ACTR6: variants seen among roughly 807,000 people sequenced by gnomAD.
The protein encoded by ACTR6 is actin related protein 6, also known as actin-related protein 6.
In ACTR6, 50 loss-of-function variants were observed where a neutral mutation model predicts 52.5. That is an observed-to-expected ratio of 0.95 (90% CI 0.76 to 1.20). The LOEUF is 1.20. Among genes scored for constraint, ACTR6 ranks in the 50% most tolerant of loss-of-function variants. ACTR6 has a pLI of 0.00. For missense variants in ACTR6, 344 were observed against 472.4 expected (o/e 0.73, Z 2.52); for synonymous variants, 135 against 147.2 (o/e 0.92, Z 0.60).
chr12:100,223,940 GA>G lies in ACTR6; in HGVS notation c.*26del. On this transcript the variant is annotated 3_prime_UTR_variant, in exon 11 of 11. Transcript: ENST00000188312. Reference sequence around the variant, plus strand: ...AGCAACATTTTTGAATGAAAGTTGTGACCATAAGGTTTAATTTCAAAGTTCC... The same window carrying G: ...AGCAACATTTTTGAATGAAAGTTGTGCCATAAGGTTTAATTTCAAAGTTCC... The G allele has an allele frequency of 6.3e-7, 1 of 1,593,486 alleles. No homozygotes were observed. The highest frequency in any genetic ancestry group is 8.5e-7 in the Non-Finnish European group (1 of 1,174,660).
At position 100,218,525 on chromosome 12, in the gene ACTR6, A is replaced by G; in HGVS notation, c.861A>G (p.Ile287Met). 6.3e-7 allele frequency: 1 copy of G among 1,586,252 alleles called. No homozygotes were observed. Reference sequence around the variant, plus strand: ...AAATACTCTTTAATCCTTCTGATATAGGCATTCAAGAAATGGGAATTCCAG... The same window carrying G: ...AAATACTCTTTAATCCTTCTGATATGGGCATTCAAGAAATGGGAATTCCAG... ...VPEILFNPSD[I>M]GIQEMGIPEA... Residue 287 changes from isoleucine to methionine, a missense_variant, in exon 9 of 11, where the codon ATA (isoleucine) becomes ATG (methionine). By Grantham distance (10) the Ile-to-Met change is conservative. Coordinates refer to ENST00000188312, the MANE Select transcript of ACTR6 (RefSeq NM_022496.5). This position sits in a 1 kb window ranked among gnomAD's most constrained non-coding sequence, Gnocchi z 4.2.
intron 6 of ACTR6, among the ~76,000 whole-genome samples, chr12:100,210,553 T>C (rs1034530227): frequency 1.4e-4 from 21 of 152,002 alleles, no homozygotes; most frequent in African/African-American, 5.1e-4. Context: ...ACCCCACTTC[T>C]ACTAAAAATA....
intron 10 of ACTR6, among the ~76,000 whole-genome samples, chr12:100,222,257 G>GT (rs35143045): frequency 0.32 from 39,505 of 123,438 alleles, 7,442 homozygotes; most frequent in African/African-American, 0.44. Context: ...CTGGCTTTGG[G>GT]TTTTTTTTTT....
intron 4 of ACTR6, among the ~76,000 whole-genome samples, chr12:100,209,134 A>G (rs11110294): frequency 0.093 from 14,110 of 152,300 alleles, 785 homozygotes; most frequent in African/African-American, 0.13. Flanking sequence ...AAGCAAGTGT[A>G]TTACAGGCTT....
chr12:100,219,160 TAA>T (rs563553340), intron 9 of ACTR6, among the ~76,000 whole-genome samples: 42 of 117,844 alleles, frequency 3.6e-4, no homozygotes, highest in Admixed American at 6.2e-4. Flanking sequence ...TTCCTCTCAT[TAA>T]AAAAAAAAAA....
At chr12:100,220,416 C>T (rs1197838047) in intron 10 of ACTR6, among the ~76,000 whole-genome samples, 1 of 152,108 alleles carries the variant, frequency 6.6e-6, no homozygotes, top group Non-Finnish European at 1.5e-5. Context: ...GTAAATCAGC[C>T]TTGGTCCTAA....
chr12:100,223,667 A>T, intron 10 of ACTR6, 119 bp from the exon 11 acceptor site: 1 of 1,286,290 alleles, frequency 7.8e-7, no homozygotes, highest in Non-Finnish European at 1.1e-6. Context: ...AGAGCTTGCC[A>T]CATTTTAATG....
At position 100,212,189 on chromosome 12, in the gene ACTR6, A is replaced by T. The variant is rs1040546428; in HGVS notation, c.573-67A>T. ...CCTGAAAATTTAATTCCAGAAAAAA[A>T]TTTCAGATAATTATAAATTATGTTT... is the stretch of plus-strand genomic sequence containing the variant. On this transcript the variant is annotated intron_variant, in intron 6 of 10. Transcript: ENST00000188312. 8.5e-6 allele frequency: 10 copies of T among 1,182,530 alleles called. No individual in the cohort carries two copies. The African/African-American group carries it at 1.2e-4, about 15-fold the overall frequency. The allele number at this position is 1,182,530 out of a possible 1,614,324, so 73.3% of individuals were successfully genotyped here.
chr12:100,210,998 T>C (rs1263289887), intron 6 of ACTR6, among the ~76,000 whole-genome samples: 1 of 152,072 alleles, frequency 6.6e-6, no homozygotes, highest in African/African-American at 2.4e-5. Context: ...TTTTTGTTTG[T>C]TTTCTTTTTA....
At chr12:100,213,150 G>C (rs997862049) in intron 8 of ACTR6, among the ~76,000 whole-genome samples, 9 of 151,922 alleles carry the variant, frequency 5.9e-5, no homozygotes, top group Non-Finnish European at 1.0e-4. Flanking sequence ...GAGTGCAATG[G>C]TGCGATCACA....
chr12:100,207,889 A>G, intron 4 of ACTR6, 103 bp downstream of exon 4: 1 of 1,292,342 alleles, frequency 7.7e-7, no homozygotes. Context: ...TGGCTAGCAC[A>G]GTGGCTAACA....
intron 10 of ACTR6, chr12:100,221,576 A>G (rs1400804088): frequency 6.6e-6 from 1 of 152,086 alleles, no homozygotes; most frequent in Non-Finnish European, 1.5e-5. Context: ...GTATAAATAT[A>G]TGTGTATACT....
chr12:100,210,265 G>A (rs531613666), intron 5 of ACTR6, 30 bp from the exon 6 acceptor site: 99 of 1,611,136 alleles, frequency 6.1e-5, no homozygotes, highest in South Asian at 1.9e-4. Context: ...TGATATGTGC[G>A]ATAATTAAAT....
At chr12:100,213,036 A>ACATCCAG (rs2096121186) in intron 8 of ACTR6, among the ~76,000 whole-genome samples, 2 of 148,482 alleles carry the variant, frequency 1.3e-5, no homozygotes, top group Non-Finnish European at 3.0e-5. Flanking sequence ...AAAGAATTTC[A>ACATCCAG]CATCCAGCTG....
intron 8 of ACTR6, among the ~76,000 whole-genome samples, chr12:100,217,980 C>T (rs79869934): frequency 6.6e-6 from 1 of 151,968 alleles, no homozygotes; most frequent in African/African-American, 2.4e-5. Context: ...TCTTGTCTCT[C>T]CTCCTTTTTT....
intron 9 of ACTR6, among the ~76,000 whole-genome samples, chr12:100,219,329 A>G (rs960708884): frequency 6.6e-6 from 1 of 152,102 alleles, no homozygotes; most frequent in African/African-American, 2.4e-5. Context: ...AATATAAGGA[A>G]ACTCTGCCCT....
chr12:100,204,524 CT>C (rs2096112868), intron 1 of ACTR6, among the ~76,000 whole-genome samples: 1 of 152,116 alleles, frequency 6.6e-6, no homozygotes, highest in Admixed American at 6.5e-5. Flanking sequence ...CCATGCCTGG[CT>C]AATTTTTGTG....
intron 4 of ACTR6, 50 bp from the exon 5 acceptor site, chr12:100,210,023 T>C: frequency 6.6e-7 from 1 of 1,508,892 alleles, no homozygotes; most frequent in Non-Finnish European, 8.9e-7. Flanking sequence ...TTTTAATTGC[T>C]TTAAATTAGT....
At chr12:100,217,304 A>G (rs2096124636) in intron 8 of ACTR6, among the ~76,000 whole-genome samples, 2 of 152,222 alleles carry the variant, frequency 1.3e-5, no homozygotes, top group South Asian at 4.1e-4. Context: ...GAAGGATAAT[A>G]TAGGGTGATA....
Sources: gnomAD v4.1 joint callset for allele counts (sites outside exome capture counted in the v4.1 genomes callset) on GRCh38, gnomAD v4.1.1 for gene constraint, Gnocchi (gnomAD v3.1) non-coding constraint, MANE v1.5 for transcripts, NCBI Gene and HGNC (gene_info 2026-07-23, HGNC 2026-07-21) for gene names.